Variants in GDPD4 observed in about 807,000 individuals in gnomAD.
The protein encoded by GDPD4 is glycerophosphodiester phosphodiesterase 6.
A neutral mutation model predicts 67.8 loss-of-function variants in GDPD4; 60 were observed. The observed-to-expected ratio is 0.88, with a 90% CI of 0.72 to 1.10. The LOEUF (loss-of-function observed/expected upper bound fraction) is 1.10, where lower values mean the gene tolerates loss of function less well. Ranked by LOEUF, GDPD4 falls within the 50% of genes least tolerant of loss-of-function variation. The pLI, the probability that GDPD4 is intolerant of heterozygous loss-of-function variation, is 0.00. For missense variants in GDPD4, 623 were observed against 613.9 expected, an observed-to-expected ratio of 1.01 and a Z score of -0.16; for synonymous variants, 212 against 210.9, an observed-to-expected ratio of 1.00 and a Z score of -0.04.
intron 13 of GDPD4, among the ~76,000 whole-genome samples, chr11:77,233,727 A>G (rs1958499328): frequency 6.6e-6 from 1 of 152,196 alleles, no homozygotes; most frequent in African/African-American, 2.4e-5. Flanking sequence ...GACTCTAAGC[A>G]AACTAAAAGC....
intron 11 of GDPD4, among the ~76,000 whole-genome samples, chr11:77,252,839 G>C (rs750932755): frequency 6.6e-6 from 1 of 152,186 alleles, no homozygotes; most frequent in African/African-American, 2.4e-5. Flanking sequence ...ATTTGTTGTC[G>C]CAACAGCAGA....
At chr11:77,248,128 GGAA>G (rs1320505494) in intron 11 of GDPD4, among the ~76,000 whole-genome samples, 2 of 150,494 alleles carry the variant, frequency 1.3e-5, no homozygotes, top group Non-Finnish European at 3.0e-5. Flanking sequence ...GCCACATCAA[GGAA>G]ACATTCCACT....
chr11:77,246,832 G>A (rs1958793112), intron 11 of GDPD4, among the ~76,000 whole-genome samples: 1 of 152,092 alleles, frequency 6.6e-6, no homozygotes, highest in African/African-American at 2.4e-5. Context: ...TAACACATGG[G>A]AGAACACACA....
chr11:77,296,729 T>G (rs371976113), intron 1 of GDPD4, among the ~76,000 whole-genome samples: 7 of 152,154 alleles, frequency 4.6e-5, no homozygotes, highest in African/African-American at 7.2e-5. Context: ...ATTACTAATT[T>G]TAGGTGTGAA....
chr11:77,266,152 T>C (rs1565531928), intron 10 of GDPD4, among the ~76,000 whole-genome samples: 1 of 152,182 alleles, frequency 6.6e-6, no homozygotes, highest in South Asian at 2.1e-4. Context: ...ATGAACATTG[T>C]CTTCTTTTCT....
chr11:77,217,294 T>A lies in GDPD4; in HGVS notation c.1546A>T (p.Asn516Tyr). Residue 516 changes from asparagine (N) to tyrosine (Y), a missense_variant, in exon 17 of 17, where the codon AAT becomes TAT. Transcript: ENST00000315938. ...TRTDTQSGSK[N>Y]EEDR is the part of the protein sequence containing the mutation. Reference sequence around the variant, plus strand: ...CTATCTATCTATCTATCTTCCTCATTCTTACTTCCACTCTGAGTATCTGTG... The same window carrying A: ...CTATCTATCTATCTATCTTCCTCATACTTACTTCCACTCTGAGTATCTGTG... The A allele has an allele frequency of 1.2e-6, 2 of 1,608,040 alleles. No homozygotes were observed. The highest frequency in any genetic ancestry group is 1.7e-6 in the Non-Finnish European group (2 of 1,174,490).
chr11:77,219,498 T>G (rs1357730784), intron 16 of GDPD4, among the ~76,000 whole-genome samples: 1 of 152,246 alleles, frequency 6.6e-6, no homozygotes, highest in Non-Finnish European at 1.5e-5. Context: ...TTCTAGGGTT[T>G]TTATGGTTTT....
At chr11:77,222,389 C>T (rs930964271) in intron 16 of GDPD4, among the ~76,000 whole-genome samples, 1 of 152,146 alleles carries the variant, frequency 6.6e-6, no homozygotes, top group Non-Finnish European at 1.5e-5. Context: ...TTAGTGCTTC[C>T]TTCAGGAGCT....
intron 8 of GDPD4, 64 bp downstream of exon 8, chr11:77,269,819 T>G (rs1959197968): frequency 1.2e-6 from 1 of 845,800 alleles, no homozygotes; most frequent in Admixed American, 2.4e-5. Context: ...TTTTACCCAT[T>G]TGTACATTTT....
intron 11 of GDPD4, among the ~76,000 whole-genome samples, chr11:77,256,276 TAACTAATTCA>T (rs1375484416): frequency 6.6e-6 from 1 of 152,218 alleles, no homozygotes; most frequent in Non-Finnish European, 1.5e-5. Flanking sequence ...TAACTATAGC[TAACTAATTCA>T]ATATATACAT....
At position 77,233,119 on chromosome 11, in the gene GDPD4, C is replaced by T; in HGVS notation, c.1295G>A (p.Trp432Ter). Reference sequence around the variant, plus strand: ...GGAGCACCAGGCCAGTGAGAAAAGCCAAGGCTCATTGACGGTGTATACGTT... The same window carrying T: ...GGAGCACCAGGCCAGTGAGAAAAGCTAAGGCTCATTGACGGTGTATACGTT... ...HINVYTVNEP[W>*]LFSLAWCSRI... Residue 432 changes from tryptophan to a stop codon, truncating the protein, a stop_gained, in exon 14 of 17, where the codon TGG becomes TAG. Coordinates refer to ENST00000315938, the MANE Select transcript of GDPD4 (RefSeq NM_182833.3). LOFTEE classifies it high-confidence loss of function. 1 of 1,614,028 alleles carries T rather than the reference C, an allele frequency of 6.2e-7. No homozygotes were observed. Among genetic ancestry groups the T allele is most frequent in the Non-Finnish European group, 8.5e-7 (1 of 1,179,938 alleles).
chr11:77,274,519 C>G (rs184913021), intron 5 of GDPD4, among the ~76,000 whole-genome samples: 1 of 152,268 alleles, frequency 6.6e-6, no homozygotes, highest in East Asian at 1.9e-4. Flanking sequence ...CTCTTGCTCC[C>G]TTTCTTGCTA....
At chr11:77,276,242 A>G (rs1164468199) in intron 4 of GDPD4, 22 bp from the exon 5 acceptor site, 1 of 1,606,916 alleles carries the variant, frequency 6.2e-7, no homozygotes, top group South Asian at 1.1e-5. Context: ...AAGAAGAAAA[A>G]GAGAGTTATT....
intron 5 of GDPD4, among the ~76,000 whole-genome samples, chr11:77,272,016 T>G (rs1424359757): frequency 6.6e-6 from 1 of 152,192 alleles, no homozygotes; most frequent in Non-Finnish European, 1.5e-5. Context: ...GACCTAATTT[T>G]CCTAACTTCC....
At chr11:77,243,946 G>A in intron 12 of GDPD4, 98 bp from the exon 13 acceptor site, 2 of 748,722 alleles carry the variant, frequency 2.7e-6, no homozygotes, top group Admixed American at 2.4e-5. Context: ...AGCACAGGTA[G>A]TATTCTACAG....
chr11:77,288,683 A>G (rs990585072), intron 1 of GDPD4, among the ~76,000 whole-genome samples: 2 of 152,208 alleles, frequency 1.3e-5, no homozygotes, highest in African/African-American at 4.8e-5. Flanking sequence ...GCCAACCCAA[A>G]AAATTAGAAA....
chr11:77,265,910 A>T (rs939806594), intron 10 of GDPD4, among the ~76,000 whole-genome samples: 25 of 152,168 alleles, frequency 1.6e-4, no homozygotes, highest in African/African-American at 5.8e-4. Flanking sequence ...ATCATACAGT[A>T]TATAACCTTT....
In GDPD4 at chr11:77,245,285, T is replaced by C; in HGVS notation, c.1082A>G (p.His361Arg). 6.2e-7 allele frequency: 1 copy of C among 1,613,200 alleles called. No individual in the cohort carries two copies. The highest frequency in any genetic ancestry group is 1.3e-5 in the African/African-American group (1 of 75,032). ...SVILASKIEQ[H>R]LIFWLPAHDR... is the part of the protein sequence containing the mutation. ...TAAATACTGAGATAGACTTACCAGA[T>C]GTTGCTCGATTTTAGAGGCAAGGAT... Residue 361 changes from histidine (H) to arginine (R), a missense_variant, in exon 12 of 17, where the codon CAT becomes CGT. By Grantham distance (29) the His-to-Arg change is conservative. Coordinates refer to ENST00000315938, the MANE Select transcript of GDPD4 (RefSeq NM_182833.3).
intron 16 of GDPD4, among the ~76,000 whole-genome samples, chr11:77,218,398 T>C (rs1958165665): frequency 6.6e-6 from 1 of 152,186 alleles, no homozygotes; most frequent in African/African-American, 2.4e-5. Flanking sequence ...TACCGCTCTT[T>C]TATTATTATA....
Sources: gnomAD v4.1 joint callset for allele counts (sites outside exome capture counted in the v4.1 genomes callset) on GRCh38, gnomAD v4.1.1 for gene constraint, MANE v1.5 for transcripts, NCBI Gene and HGNC (gene_info 2026-07-23, HGNC 2026-07-21) for gene names.